Variants in ZMAT4 observed in about 807,000 individuals in gnomAD.
The protein encoded by ZMAT4 is zinc finger matrin-type 4.
In ZMAT4, 17 loss-of-function variants were observed where a neutral mutation model predicts 28.7. The ratio of observed to expected loss-of-function variants is 0.59; its 90% CI spans 0.41 to 0.89. ZMAT4 has a LOEUF of 0.89. Among genes scored for constraint, ZMAT4 ranks in the 40% least tolerant of loss-of-function variants. The pLI, the probability that ZMAT4 is intolerant of heterozygous loss-of-function variation, is 0.00. For missense variants in ZMAT4, 240 were observed against 283.8 expected (o/e 0.85, Z 1.11); for synonymous variants, 117 against 109.2 (o/e 1.07, Z -0.44).
intron 6 of ZMAT4, among the ~76,000 whole-genome samples, chr8:40,544,371 C>G (rs558574865): frequency 6.6e-6 from 1 of 152,132 alleles, no homozygotes; most frequent in Non-Finnish European, 1.5e-5. Flanking sequence ...CATATAGCCA[C>G]AGGTAAGACT....
chr8:40,645,981 A>C (rs1312748407), intron 5 of ZMAT4, among the ~76,000 whole-genome samples: 3 of 152,076 alleles, frequency 2.0e-5, no homozygotes, highest in African/African-American at 4.8e-5. Flanking sequence ...TTCACACCAT[A>C]ATAGATAAGC....
In ZMAT4 at chr8:40,795,639, G is replaced by A. The variant is rs570361023; in HGVS notation, c.103-27909C>T. 2.6e-5 allele frequency among the ~76,000 whole-genome samples: 4 copies of A among 152,266 alleles called. No individual in the cohort carries two copies. In the East Asian group the frequency reaches 7.7e-4, roughly 29 times the overall value. ...AGTGGAGTGGAGTATTGATTTAAAGGTCTGAGACTCAGGAACTCAGGATAT... is the reference window on the plus strand; with the variant it reads ...AGTGGAGTGGAGTATTGATTTAAAGATCTGAGACTCAGGAACTCAGGATAT... On this transcript the variant is annotated intron_variant, in intron 2 of 6. Coordinates refer to ENST00000297737, the MANE Select transcript of ZMAT4 (RefSeq NM_024645.3).
chr8:40,864,900 G>A (rs753866338), intron 1 of ZMAT4, among the ~76,000 whole-genome samples: 2 of 152,150 alleles, frequency 1.3e-5, no homozygotes, highest in African/African-American at 4.8e-5. Context: ...GAGGTACGAA[G>A]TTCCTAAAAA....
intron 5 of ZMAT4, among the ~76,000 whole-genome samples, chr8:40,648,056 G>A (rs373402513): frequency 3.9e-5 from 6 of 152,338 alleles, no homozygotes; most frequent in East Asian, 1.9e-4. Flanking sequence ...CACCAGCAAC[G>A]GAACAAAGCT....
intron 3 of ZMAT4, among the ~76,000 whole-genome samples, chr8:40,734,097 A>G (rs974559861): frequency 6.6e-6 from 1 of 152,234 alleles, no homozygotes; most frequent in Non-Finnish European, 1.5e-5. Flanking sequence ...GGAAAGATGA[A>G]CAATGCTTAA....
intron 5 of ZMAT4, among the ~76,000 whole-genome samples, chr8:40,623,382 T>G (rs754668095): frequency 1.3e-5 from 2 of 152,206 alleles, no homozygotes; most frequent in African/African-American, 2.4e-5. Flanking sequence ...AATATTTTCC[T>G]TGCAGGGTAA....
At chr8:40,812,907 TG>T (rs1815379086) in intron 2 of ZMAT4, among the ~76,000 whole-genome samples, 1 of 150,906 alleles carries the variant, frequency 6.6e-6, no homozygotes, top group Non-Finnish European at 1.5e-5. Flanking sequence ...CACTCCAGCC[TG>T]GGCGACAAGA....
intron 5 of ZMAT4, among the ~76,000 whole-genome samples, chr8:40,662,143 AT>A (rs34725435): frequency 0.16 from 23,741 of 151,538 alleles, 1,980 homozygotes; most frequent in South Asian, 0.19. Context: ...TGCTTGGCTA[AT>A]TTTTTTTTTT....
intron 3 of ZMAT4, among the ~76,000 whole-genome samples, chr8:40,760,606 A>G (rs1743948779): frequency 6.6e-6 from 1 of 152,036 alleles, no homozygotes; most frequent in East Asian, 1.9e-4. Flanking sequence ...GTTTCCACTC[A>G]CTAACTCTGA....
At chr8:40,782,869 A>G (rs1342851883) in intron 2 of ZMAT4, among the ~76,000 whole-genome samples, 15 of 152,240 alleles carry the variant, frequency 9.9e-5, no homozygotes, top group Admixed American at 9.8e-4. Flanking sequence ...TCCTTGGAAT[A>G]TCACTTCACA....
chr8:40,748,375 C>T (rs928447178), intron 3 of ZMAT4, among the ~76,000 whole-genome samples: 4 of 152,178 alleles, frequency 2.6e-5, no homozygotes, highest in African/African-American at 7.2e-5. Flanking sequence ...GAATGACATG[C>T]TCAAATAGCT....
chr8:40,846,096 T>C (rs1816885149), intron 1 of ZMAT4, among the ~76,000 whole-genome samples: 1 of 152,164 alleles, frequency 6.6e-6, no homozygotes, highest in Admixed American at 6.5e-5. Context: ...CACTAAACAG[T>C]CTGCAAACCA....
chr8:40,572,773 GT>G lies in ZMAT4; in HGVS notation c.674+8391del, dbSNP rs2118513552. ...TCAGATAGTTAATATTTCTCCTGTT[GT>G]TTAACAATGGAGAGAAATTTGACTG... is the stretch of plus-strand genomic sequence containing the variant. On this transcript the variant is annotated intron_variant, in intron 6 of 6. Coordinates refer to ENST00000297737, the MANE Select transcript of ZMAT4 (RefSeq NM_024645.3). Among the ~76,000 whole-genome samples, 3 of 152,152 alleles carry G rather than the reference GT, an allele frequency of 2.0e-5. 1 individual carries two copies. In the East Asian group the frequency reaches 5.8e-4, roughly 29 times the overall value.
chr8:40,696,505 TA>T (rs953121187), intron 4 of ZMAT4, among the ~76,000 whole-genome samples: 4 of 152,230 alleles, frequency 2.6e-5, no homozygotes, highest in Non-Finnish European at 4.4e-5. Flanking sequence ...TGCCACAACA[TA>T]AATCTTGTCC....
At chr8:40,789,462 T>A (rs776926547) in intron 2 of ZMAT4, among the ~76,000 whole-genome samples, 1 of 152,114 alleles carries the variant, frequency 6.6e-6, no homozygotes, top group African/African-American at 2.4e-5. Context: ...AAATGGACAA[T>A]GGTCAGACCA....
intron 3 of ZMAT4, among the ~76,000 whole-genome samples, chr8:40,724,014 TC>T (rs147859621): frequency 6.6e-6 from 1 of 152,220 alleles, no homozygotes; most frequent in Non-Finnish European, 1.5e-5. Flanking sequence ...CCAAGGCTCT[TC>T]CCCAAAGATC....
At chr8:40,870,631 C>T (rs1817824386) in intron 1 of ZMAT4, among the ~76,000 whole-genome samples, 1 of 152,186 alleles carries the variant, frequency 6.6e-6, no homozygotes, top group Non-Finnish European at 1.5e-5. Flanking sequence ...TGTCCTATGT[C>T]CTCGTACAAG....
At chr8:40,888,212 C>T (rs931044859) in intron 1 of ZMAT4, among the ~76,000 whole-genome samples, 5 of 152,206 alleles carry the variant, frequency 3.3e-5, no homozygotes, top group African/African-American at 4.8e-5. Context: ...TCAGGTAGGC[C>T]AGCAGGAAGC....
rs999570599 is a variant in ZMAT4, at chr8:40,651,276, A to G, written c.577+23428T>C. Among the ~76,000 whole-genome samples the G allele has an allele frequency of 9.8e-5, 15 of 152,292 alleles. 1 individual carries two copies. Among genetic ancestry groups the G allele is most frequent in the African/African-American group, 3.6e-4 (15 of 41,558 alleles). On this transcript the variant is annotated intron_variant, in intron 5 of 6. Coordinates refer to ENST00000297737, the MANE Select transcript of ZMAT4 (RefSeq NM_024645.3). ...ACAAAAATCACAAGCATTCTTATACACCAACAACAGACAAACAGAGAGCCA... is the reference window on the plus strand; with the variant it reads ...ACAAAAATCACAAGCATTCTTATACGCCAACAACAGACAAACAGAGAGCCA...
Sources: gnomAD v4.1 joint callset for allele counts (sites outside exome capture counted in the v4.1 genomes callset) on GRCh38, gnomAD v4.1.1 for gene constraint, MANE v1.5 for transcripts, NCBI Gene and HGNC (gene_info 2026-07-23, HGNC 2026-07-21) for gene names.